ITGBL1: variants seen among roughly 807,000 people sequenced by gnomAD.
ITGBL1 encodes integrin subunit beta like 1.
In ITGBL1, 51 loss-of-function variants were observed where a neutral mutation model predicts 68.5. That is an observed-to-expected ratio of 0.74 (90% CI 0.59 to 0.94). ITGBL1 has a LOEUF of 0.94. Ranked by LOEUF, ITGBL1 falls within the 40% of genes least tolerant of loss-of-function variation. The probability of loss-of-function intolerance (pLI) is 0.00; values close to 1 mark genes in which losing one functional copy is unlikely to be tolerated. For synonymous variants in ITGBL1, 209 were observed against 227.3 expected (o/e 0.92, Z 0.72); for missense variants, 649 against 647.4 (o/e 1.00, Z -0.03).
chr13:101,696,176 C>T (rs574786784), intron 8 of ITGBL1, among the ~76,000 whole-genome samples: 2 of 152,098 alleles, frequency 1.3e-5, no homozygotes, highest in Non-Finnish European at 2.9e-5. Context: ...ATGGGTATAT[C>T]CTGGTGCCTG....
intron 5 of ITGBL1, among the ~76,000 whole-genome samples, chr13:101,582,709 A>C (rs542821673): frequency 6.6e-6 from 1 of 151,918 alleles, no homozygotes; most frequent in East Asian, 1.9e-4. Flanking sequence ...TCTTAGTTCT[A>C]CCTCCAATGT....
At chr13:101,455,837 C>T (rs949995161) in intron 2 of ITGBL1, among the ~76,000 whole-genome samples, 2 of 152,134 alleles carry the variant, frequency 1.3e-5, no homozygotes, top group Non-Finnish European at 2.9e-5. Context: ...GACCTATGGC[C>T]TCTGGCAAGC....
intron 7 of ITGBL1, among the ~76,000 whole-genome samples, chr13:101,665,321 T>C (rs1334930547): frequency 2.0e-5 from 3 of 152,068 alleles, no homozygotes; most frequent in Non-Finnish European, 4.4e-5. Context: ...TAATTTGTAG[T>C]TTTCTATAAA....
intron 2 of ITGBL1, among the ~76,000 whole-genome samples, chr13:101,497,452 C>T (rs1338174167): frequency 2.6e-5 from 4 of 152,134 alleles, no homozygotes; most frequent in African/African-American, 7.2e-5. Flanking sequence ...CCCCACAGTC[C>T]GTATGCCATC....
intron 7 of ITGBL1, among the ~76,000 whole-genome samples, chr13:101,670,996 T>A (rs1288601869): frequency 6.6e-6 from 1 of 152,056 alleles, no homozygotes; most frequent in Admixed American, 6.6e-5. Flanking sequence ...CTTCATCAAT[T>A]TTGTCATTAT....
chr13:101,460,795 G>GAT (rs2048307925), intron 2 of ITGBL1, among the ~76,000 whole-genome samples: 4 of 152,238 alleles, frequency 2.6e-5, no homozygotes, highest in Non-Finnish European at 5.9e-5. Context: ...AAGAGATAGA[G>GAT]GGAGGGGTAC....
intron 2 of ITGBL1, among the ~76,000 whole-genome samples, chr13:101,567,150 G>T (rs2050194710): frequency 6.6e-6 from 1 of 152,082 alleles, no homozygotes; most frequent in African/African-American, 2.4e-5. Flanking sequence ...AAATTTATGT[G>T]GAGGCAGATG....
chr13:101,714,987 G>C lies in ITGBL1; in HGVS notation c.1393+436G>C, dbSNP rs367859295. 154 of 174,436 alleles carry C rather than the reference G, an allele frequency of 8.8e-4. 4 individuals carry two copies. The South Asian group carries it at 0.013, about 15-fold the overall frequency. 10.8% of individuals were successfully genotyped at this position (174,436 alleles called of 1,614,324 possible). On this transcript the variant is annotated intron_variant, in intron 10 of 10. Coordinates refer to ENST00000376180, the MANE Select transcript of ITGBL1 (RefSeq NM_004791.3). Reference sequence around the variant, plus strand: ...TGTGTGTATGGGGGAGAGGTATAAAGAGGGCTCAGCCGTGTCATAGCCACT... The same window carrying C: ...TGTGTGTATGGGGGAGAGGTATAAACAGGGCTCAGCCGTGTCATAGCCACT...
intron 2 of ITGBL1, among the ~76,000 whole-genome samples, chr13:101,540,293 C>G (rs996106929): frequency 6.6e-6 from 1 of 152,158 alleles, no homozygotes; most frequent in Admixed American, 6.5e-5. Context: ...TTCCCAGCAC[C>G]ATTTATTAAA....
At chr13:101,519,602 C>T (rs893625014) in intron 2 of ITGBL1, among the ~76,000 whole-genome samples, 2 of 152,058 alleles carry the variant, frequency 1.3e-5, no homozygotes, top group African/African-American at 2.4e-5. Flanking sequence ...AAATAAAATT[C>T]GCTTTTTAAT....
intron 4 of ITGBL1, among the ~76,000 whole-genome samples, chr13:101,576,957 A>ATG (rs1205782278): frequency 1.4e-5 from 2 of 143,326 alleles, no homozygotes; most frequent in Non-Finnish European, 3.1e-5. Flanking sequence ...TAGATGGAAA[A>ATG]AAAAAAAAAG....
chr13:101,698,751 G>A (rs896760409), intron 8 of ITGBL1, among the ~76,000 whole-genome samples: 3 of 152,170 alleles, frequency 2.0e-5, no homozygotes, highest in Non-Finnish European at 2.9e-5. Flanking sequence ...GATTACACAA[G>A]TGAAATATAT....
chr13:101,514,537 TGA>T lies in ITGBL1; in HGVS notation c.317-53157_317-53156del, dbSNP rs550882522. On this transcript the variant is annotated intron_variant, in intron 2 of 10. Coordinates refer to ENST00000376180, the MANE Select transcript of ITGBL1 (RefSeq NM_004791.3). ...TTCTTCTTTAATGTCATTTGTGTAG[TGA>T]GAGATATTAACAAGCTACTCTACAA... 2.6e-4 allele frequency among the ~76,000 whole-genome samples: 39 copies of T among 152,122 alleles called. 1 individual carries two copies. In the South Asian group the frequency reaches 8.1e-3, roughly 32 times the overall value.
intron 7 of ITGBL1, among the ~76,000 whole-genome samples, chr13:101,632,222 G>A (rs929390099): frequency 1.3e-5 from 2 of 151,458 alleles, no homozygotes; most frequent in Admixed American, 6.6e-5. Flanking sequence ...ATAATACAAA[G>A]GTAAACAACC....
intron 9 of ITGBL1, among the ~76,000 whole-genome samples, chr13:101,708,723 G>C (rs999076835): frequency 9.2e-5 from 14 of 152,200 alleles, no homozygotes; most frequent in African/African-American, 3.1e-4. Context: ...GAAAATGAAT[G>C]CAGATGTATT....
intron 7 of ITGBL1, among the ~76,000 whole-genome samples, chr13:101,598,863 C>G (rs1220106376): frequency 2.0e-5 from 3 of 152,090 alleles, no homozygotes; most frequent in Non-Finnish European, 4.4e-5. Flanking sequence ...GGTTCCAAGT[C>G]TTTGCTATTG....
chr13:101,580,701 A>G (rs1162896779), intron 5 of ITGBL1, among the ~76,000 whole-genome samples: 1 of 152,156 alleles, frequency 6.6e-6, no homozygotes, highest in Non-Finnish European at 1.5e-5. Context: ...ATTTTTAAGT[A>G]TATGAAGCTT....
Position 101,601,958 on chromosome 13 carries a change from A to G in ITGBL1, c.1015+3659A>G, listed in dbSNP as rs531111537. On this transcript the variant is annotated intron_variant, in intron 7 of 10. Coordinates refer to ENST00000376180, the MANE Select transcript of ITGBL1 (RefSeq NM_004791.3). ...ATGAGGGGCTATTAGTCTTTTTAGAACTAATAATAAATCCAATTTCCATGA... is the reference window on the plus strand; with the variant it reads ...ATGAGGGGCTATTAGTCTTTTTAGAGCTAATAATAAATCCAATTTCCATGA... Among the ~76,000 whole-genome samples, 11 of 152,130 alleles carry G rather than the reference A, an allele frequency of 7.2e-5. No individual in the cohort carries two copies. In the South Asian group the frequency reaches 2.1e-3, roughly 29 times the overall value.
chr13:101,539,159 G>A (rs1387549317), intron 2 of ITGBL1, among the ~76,000 whole-genome samples: 5 of 144,208 alleles, frequency 3.5e-5, no homozygotes, highest in Admixed American at 7.3e-5. Context: ...CCATTAACTC[G>A]TCATTTAGCA....
Sources: allele counts gnomAD v4.1 joint callset (sites outside exome capture counted in the v4.1 genomes callset), GRCh38; gene constraint gnomAD v4.1.1; transcripts MANE v1.5; gene names NCBI Gene and HGNC (gene_info 2026-07-23, HGNC 2026-07-21).